Variants in NKAIN2 observed in about 807,000 individuals in gnomAD.
NKAIN2 encodes sodium/potassium-transporting ATPase subunit beta-1-interacting protein 2.
NKAIN2 carries 14 observed loss-of-function variants against 32.6 expected under a neutral mutation model. That is an observed-to-expected ratio of 0.43 (90% CI 0.28 to 0.67). The LOEUF (loss-of-function observed/expected upper bound fraction) is 0.67, where lower values mean the gene tolerates loss of function less well. Among genes scored for constraint, NKAIN2 ranks in the 30% least tolerant of loss-of-function variants. The pLI is 0.17. For missense variants in NKAIN2, 198 were observed against 258.3 expected (o/e 0.77, Z 1.60); for synonymous variants, 80 against 87.2 (o/e 0.92, Z 0.46).
chr6:124,567,032 A>C (rs1780941810), intron 3 of NKAIN2, among the ~76,000 whole-genome samples: 1 of 152,226 alleles, frequency 6.6e-6, no homozygotes, highest in African/African-American at 2.4e-5. Flanking sequence ...TAAATTCTTT[A>C]GTACTTTTCA....
chr6:124,796,793 T>G (rs1163897062), intron 5 of NKAIN2, among the ~76,000 whole-genome samples: 2 of 152,174 alleles, frequency 1.3e-5, no homozygotes, highest in Non-Finnish European at 2.9e-5. Flanking sequence ...GTGATACATC[T>G]TGGGAGAAAA....
chr6:124,649,075 GA>G (rs939961984), intron 3 of NKAIN2, among the ~76,000 whole-genome samples: 16 of 151,210 alleles, frequency 1.1e-4, no homozygotes, highest in African/African-American at 3.9e-4. Flanking sequence ...ATCACTCTAG[GA>G]AAAAAAAGAG....
At chr6:124,523,945 C>T (rs1459214709) in intron 3 of NKAIN2, among the ~76,000 whole-genome samples, 2 of 152,166 alleles carry the variant, frequency 1.3e-5, no homozygotes, top group Non-Finnish European at 2.9e-5. Context: ...AGCTTCAGAA[C>T]ACATCAGTAG....
At position 124,328,052 on chromosome 6, in the gene NKAIN2, G is replaced by A. The variant is rs115030011; in HGVS notation, c.193-27215G>A. ...TGGTGGAAACTTTATAGTTGTAAGT[G>A]TACACAGGGAATTAAAGAACAGGAA... On this transcript the variant is annotated intron_variant, in intron 2 of 6. Coordinates refer to ENST00000368417, the MANE Select transcript of NKAIN2 (RefSeq NM_001040214.3). Among the ~76,000 whole-genome samples the A allele has an allele frequency of 7.2e-3, 1,092 of 152,182 alleles. 13 individuals carry two copies. The highest frequency in any genetic ancestry group is 0.026 in the African/African-American group (1,061 of 41,530).
intron 1 of NKAIN2, among the ~76,000 whole-genome samples, chr6:124,220,048 T>C (rs981261126): frequency 2.0e-5 from 3 of 152,114 alleles, no homozygotes; most frequent in Admixed American, 6.5e-5. Flanking sequence ...AGGCTTTGTG[T>C]CCCCACCCAA....
chr6:124,687,290 TA>T (rs1773961725), intron 4 of NKAIN2, among the ~76,000 whole-genome samples: 1 of 142,970 alleles, frequency 7.0e-6, no homozygotes, highest in Non-Finnish European at 1.5e-5. Context: ...AGAGAATATA[TA>T]TATTCTATAT....
At chr6:124,477,730 CTCCCT>C (rs1777283859) in intron 3 of NKAIN2, among the ~76,000 whole-genome samples, 1 of 62,862 alleles carries the variant, frequency 1.6e-5, no homozygotes, top group Non-Finnish European at 3.3e-5. Context: ...CCCCTTCCCC[CTCCCT>C]CTCCTTCCCC....
At chr6:123,937,437 CT>C in intron 1 of NKAIN2, among the ~76,000 whole-genome samples, 1 of 152,122 alleles carries the variant, frequency 6.6e-6, no homozygotes, top group African/African-American at 2.4e-5. Context: ...TGAATGCTTT[CT>C]TTTAAAACTT....
chr6:124,250,676 A>C (rs1056484975), intron 1 of NKAIN2, among the ~76,000 whole-genome samples: 1 of 152,236 alleles, frequency 6.6e-6, no homozygotes, highest in African/African-American at 2.4e-5. Flanking sequence ...ATACTCACTA[A>C]AGGAAAATCT....
chr6:124,453,007 C>A (rs1776169653), intron 3 of NKAIN2, among the ~76,000 whole-genome samples: 1 of 151,934 alleles, frequency 6.6e-6, no homozygotes, highest in Admixed American at 6.6e-5. Flanking sequence ...CACAATTAGG[C>A]TTAATTGGCT....
intron 3 of NKAIN2, among the ~76,000 whole-genome samples, chr6:124,417,600 G>A (rs1253411542): frequency 5.9e-5 from 9 of 152,080 alleles, no homozygotes; most frequent in African/African-American, 2.2e-4. Context: ...TAGACCAAAC[G>A]TCCTAATACC....
At chr6:124,644,562 G>A (rs1224668532) in intron 3 of NKAIN2, among the ~76,000 whole-genome samples, 5 of 152,006 alleles carry the variant, frequency 3.3e-5, no homozygotes, top group East Asian at 1.9e-4. Flanking sequence ...GTGGCACCAC[G>A]CCCAGCTAAC....
intron 1 of NKAIN2, among the ~76,000 whole-genome samples, chr6:124,229,911 A>G (rs1040769127): frequency 5.3e-5 from 8 of 152,148 alleles, no homozygotes; most frequent in African/African-American, 1.7e-4. Flanking sequence ...AATAAAGTAA[A>G]TTGGTACCAG....
intron 3 of NKAIN2, among the ~76,000 whole-genome samples, chr6:124,564,942 T>C (rs1780849370): frequency 6.6e-6 from 1 of 152,238 alleles, no homozygotes; most frequent in African/African-American, 2.4e-5. Flanking sequence ...TCCATTTTTT[T>C]TTCAGGCTTT....
At chr6:124,438,224 A>T (rs1299516186) in intron 3 of NKAIN2, among the ~76,000 whole-genome samples, 1 of 152,144 alleles carries the variant, frequency 6.6e-6, no homozygotes, top group Non-Finnish European at 1.5e-5. Context: ...TTGTCTAAAA[A>T]TCCCCAGAAT....
At chr6:124,348,647 C>G (rs931636864) in intron 2 of NKAIN2, among the ~76,000 whole-genome samples, 5 of 152,220 alleles carry the variant, frequency 3.3e-5, no homozygotes, top group African/African-American at 1.2e-4. Context: ...CAGCTCCGGT[C>G]TACAGCTCCC....
At chr6:124,380,571 C>A (rs1772591746) in intron 3 of NKAIN2, among the ~76,000 whole-genome samples, 1 of 152,130 alleles carries the variant, frequency 6.6e-6, no homozygotes, top group Admixed American at 6.6e-5. Context: ...TGGAAGAAGC[C>A]AGGATCTTTG....
At chr6:124,038,661 A>G (rs1404819356) in intron 1 of NKAIN2, among the ~76,000 whole-genome samples, 7 of 152,174 alleles carry the variant, frequency 4.6e-5, no homozygotes, top group Admixed American at 1.3e-4. Flanking sequence ...TAATTACACA[A>G]TCACCTACTC....
intron 3 of NKAIN2, among the ~76,000 whole-genome samples, chr6:124,647,136 C>T (rs1425377785): frequency 6.6e-6 from 1 of 151,402 alleles, no homozygotes; most frequent in Admixed American, 6.6e-5. Flanking sequence ...AAAAAAGTCA[C>T]GTGAACACTA....
Sources: allele counts gnomAD v4.1 joint callset (sites outside exome capture counted in the v4.1 genomes callset), GRCh38; gene constraint gnomAD v4.1.1; transcripts MANE v1.5; gene names NCBI Gene and HGNC (gene_info 2026-07-23, HGNC 2026-07-21).